Variants in SPIN1 observed in about 807,000 individuals in gnomAD.
The protein encoded by SPIN1 is spindlin-1.
SPIN1 carries 3 observed loss-of-function variants against 26.0 expected under a neutral mutation model. The ratio of observed to expected loss-of-function variants is 0.12; its 90% CI spans 0.05 to 0.30. SPIN1 has a LOEUF of 0.30. Among genes scored for constraint, SPIN1 ranks in the 10% least tolerant of loss-of-function variants. SPIN1 has a pLI of 1.00. For missense variants in SPIN1, 126 were observed against 333.4 expected, an observed-to-expected ratio of 0.38 and a Z score of 4.84; for synonymous variants, 101 against 116.5, an observed-to-expected ratio of 0.87 and a Z score of 0.86.
Position 88,475,723 on chromosome 9 carries a change from C to G in SPIN1, c.*446C>G, listed in dbSNP as rs1169352678. 2 of 156,100 alleles carry G rather than the reference C, an allele frequency of 1.3e-5. No homozygotes were observed. Among genetic ancestry groups the G allele is most frequent in the South Asian group, 1.9e-4 (1 of 5,210 alleles). The allele number at this position is 156,100 out of a possible 1,614,324, so 9.7% of individuals were successfully genotyped here. On this transcript the variant is annotated 3_prime_UTR_variant, in exon 6 of 6. Coordinates refer to ENST00000375859, the MANE Select transcript of SPIN1 (RefSeq NM_006717.3). ...CATATATAATATATACACACAGATA[C>G]AAGTGTACACACACACACCACACAC...
chr9:88,405,742 T>A (rs1827288282), intron 1 of SPIN1, among the ~76,000 whole-genome samples: 1 of 152,016 alleles, frequency 6.6e-6, no homozygotes, highest in Non-Finnish European at 1.5e-5. Flanking sequence ...AACACAGTAG[T>A]TTTGTTTGCA....
At position 88,392,445 on chromosome 9, in the gene SPIN1, A is replaced by G. The variant is rs575230913; in HGVS notation, c.-159+3907A>G. On this transcript the variant is annotated intron_variant, in intron 1 of 5. Coordinates refer to ENST00000375859, the MANE Select transcript of SPIN1 (RefSeq NM_006717.3). ...GTATCTGGGAAGAGAAGGTGATTCC[A>G]TAGATTATCAGAATGGGAGAAGAAA... is the stretch of plus-strand genomic sequence containing the variant. Among the ~76,000 whole-genome samples, 88 of 152,278 alleles carry G rather than the reference A, an allele frequency of 5.8e-4. 1 individual carries two copies. The highest frequency in any genetic ancestry group is 2.0e-3 in the African/African-American group (85 of 41,568).
At chr9:88,474,119 A>G (rs1022738033) in intron 5 of SPIN1, among the ~76,000 whole-genome samples, 3 of 152,226 alleles carry the variant, frequency 2.0e-5, no homozygotes, top group Admixed American at 6.5e-5. Flanking sequence ...GTAAAATGAC[A>G]TTACTACCAA....
At chr9:88,426,088 A>G (rs1226296184) in intron 1 of SPIN1, among the ~76,000 whole-genome samples, 1 of 152,216 alleles carries the variant, frequency 6.6e-6, no homozygotes, top group East Asian at 1.9e-4. Flanking sequence ...CTTTAGGATA[A>G]TAATGGGGAT....
intron 3 of SPIN1, among the ~76,000 whole-genome samples, chr9:88,458,261 CA>C (rs916465428): frequency 6.6e-6 from 1 of 152,120 alleles, no homozygotes; most frequent in Non-Finnish European, 1.5e-5. Context: ...CAACACAGAA[CA>C]AAATGTTAAG....
At chr9:88,408,302 G>C (rs903322715) in intron 1 of SPIN1, among the ~76,000 whole-genome samples, 11 of 144,930 alleles carry the variant, frequency 7.6e-5, no homozygotes. Flanking sequence ...AAGCACTTCA[G>C]ATCTTCTCAG....
At chr9:88,418,293 C>G (rs1184639629) in intron 1 of SPIN1, among the ~76,000 whole-genome samples, 1 of 152,222 alleles carries the variant, frequency 6.6e-6, no homozygotes, top group Non-Finnish European at 1.5e-5. Flanking sequence ...AAAAAAGACA[C>G]TGGTATTCCT....
intron 3 of SPIN1, among the ~76,000 whole-genome samples, chr9:88,462,275 C>G (rs1828590686): frequency 6.6e-6 from 1 of 152,162 alleles, no homozygotes. Flanking sequence ...AGGTGCACAA[C>G]AAGCTCCTAT....
intron 5 of SPIN1, among the ~76,000 whole-genome samples, chr9:88,472,958 A>G (rs181350563): frequency 6.6e-6 from 1 of 152,298 alleles, no homozygotes; most frequent in Admixed American, 6.5e-5. Flanking sequence ...GACAGATGTA[A>G]CTGGTAGGCC....
intron 2 of SPIN1, among the ~76,000 whole-genome samples, chr9:88,439,074 A>G (rs991003314): frequency 1.3e-5 from 2 of 152,220 alleles, no homozygotes; most frequent in Non-Finnish European, 2.9e-5. Flanking sequence ...CACCTAAAAA[A>G]ATAAAACACA....
intron 3 of SPIN1, among the ~76,000 whole-genome samples, chr9:88,451,212 G>A (rs543651082): frequency 6.6e-6 from 1 of 152,234 alleles, no homozygotes; most frequent in Non-Finnish European, 1.5e-5. Flanking sequence ...CTTGACACTG[G>A]GGCTCAATGA....
intron 2 of SPIN1, among the ~76,000 whole-genome samples, chr9:88,438,909 T>G (rs1828061773): frequency 6.6e-6 from 1 of 152,158 alleles, no homozygotes; most frequent in South Asian, 2.1e-4. Flanking sequence ...AGAAACCATG[T>G]CAATTTATAT....
intron 1 of SPIN1, among the ~76,000 whole-genome samples, chr9:88,401,419 TCCGCCTGCCTCC>T (rs1827184636): frequency 6.6e-6 from 1 of 151,988 alleles, no homozygotes; most frequent in African/African-American, 2.4e-5. Flanking sequence ...GGACCCACAC[TCCGCCTGCCTCC>T]CCGCCTGCAC....
intron 1 of SPIN1, among the ~76,000 whole-genome samples, chr9:88,420,024 A>G (rs567924913): frequency 2.6e-5 from 4 of 152,348 alleles, no homozygotes; most frequent in Non-Finnish European, 5.9e-5. Context: ...GAAATGACCA[A>G]TCCGCTTTTT....
intron 4 of SPIN1, among the ~76,000 whole-genome samples, chr9:88,467,055 G>A (rs1369052568): frequency 6.6e-6 from 1 of 152,070 alleles, no homozygotes; most frequent in Non-Finnish European, 1.5e-5. Flanking sequence ...TTGTTTGTTT[G>A]TTTGTTTGTT....
intron 1 of SPIN1, among the ~76,000 whole-genome samples, chr9:88,403,784 GTTTA>G (rs1182791044): frequency 6.6e-6 from 1 of 152,136 alleles, no homozygotes; most frequent in Non-Finnish European, 1.5e-5. Flanking sequence ...TAGAGGTAAA[GTTTA>G]TTTAGCTTGA....
At chr9:88,426,734 A>G (rs1212337747) in intron 2 of SPIN1, 143 bp downstream of exon 2, 1 of 546,372 alleles carries the variant, frequency 1.8e-6, no homozygotes, top group Non-Finnish European at 3.1e-6. Context: ...GCATATATTA[A>G]GAAGCAGATT....
intron 1 of SPIN1, among the ~76,000 whole-genome samples, chr9:88,421,972 A>C (rs1313156713): frequency 1.3e-5 from 2 of 152,184 alleles, no homozygotes; most frequent in African/African-American, 2.4e-5. Flanking sequence ...TATCACATTA[A>C]GAAGTGAATA....
Position 88,475,096 on chromosome 9 carries a change from A to G in SPIN1, c.608A>G (p.Glu203Gly). 1 of 1,596,918 alleles carries G rather than the reference A, an allele frequency of 6.3e-7. No homozygotes were observed. Among genetic ancestry groups the G allele is most frequent in the Non-Finnish European group, 8.5e-7 (1 of 1,173,614 alleles). ...AATATAGATGATTCACCTCCAGCAG[A>G]AAGGGAACCAGGAGAAGTTGTGGAC... Reference protein sequence around the residue: ...MPDSNDSPPAEREPGEVVDSL... With the variant: ...MPDSNDSPPAGREPGEVVDSL... Residue 203 changes from glutamate (E) to glycine (G), a missense_variant, in exon 6 of 6, where the codon GAA (glutamate) becomes GGA (glycine). Coordinates refer to ENST00000375859, the MANE Select transcript of SPIN1 (RefSeq NM_006717.3).
Sources: gnomAD v4.1 joint callset for allele counts (sites outside exome capture counted in the v4.1 genomes callset) on GRCh38, gnomAD v4.1.1 for gene constraint, MANE v1.5 for transcripts, NCBI Gene and HGNC (gene_info 2026-07-23, HGNC 2026-07-21) for gene names.